Variants in WDR17 observed in about 807,000 individuals in gnomAD.
WDR17 encodes WD repeat-containing protein 17.
A neutral mutation model predicts 161.7 loss-of-function variants in WDR17; 143 were observed. That is an observed-to-expected ratio of 0.88 (90% CI 0.77 to 1.02). WDR17 has a LOEUF of 1.02. WDR17 is among the 50% of genes least tolerant of loss of function. The pLI is 0.00. For synonymous variants in WDR17, 517 were observed against 515.6 expected, an observed-to-expected ratio of 1.00 and a Z score of -0.04; for missense variants, 1,469 against 1,520.9, an observed-to-expected ratio of 0.97 and a Z score of 0.57.
intron 1 of WDR17, among the ~76,000 whole-genome samples, chr4:176,104,367 G>A (rs1401496396): frequency 6.6e-6 from 1 of 151,970 alleles, no homozygotes; most frequent in Admixed American, 6.6e-5. Flanking sequence ...ACAATTATAA[G>A]TGCTAGTATT....
intron 23 of WDR17, 25 bp downstream of exon 23, chr4:176,168,808 T>C: frequency 6.3e-7 from 1 of 1,599,488 alleles, no homozygotes; most frequent in Non-Finnish European, 8.5e-7. Flanking sequence ...TTAAATATTC[T>C]GGTTTGGAAT....
chr4:176,168,742 T>C lies in WDR17; in HGVS notation c.3061T>C (p.Tyr1021His). The change falls in exon 23 of 29, where the codon TAC (tyrosine) becomes CAC (histidine). Residue 1021 changes from tyrosine to histidine, a missense_variant. Coordinates refer to ENST00000508596, the MANE Select transcript of WDR17 (RefSeq NM_181265.4). Reference sequence around the variant, plus strand: ...ACATTTAATAAAACTCTGTGCTTTCTACCCAGGATGTACTGAAGAGATAAA... The same window carrying C: ...ACATTTAATAAAACTCTGTGCTTTCCACCCAGGATGTACTGAAGAGATAAA... ...ELHLIKLCAF[Y>H]PGCTEEINDL... The C allele has an allele frequency of 6.2e-7, 1 of 1,613,382 alleles. No individual in the cohort carries two copies. Among genetic ancestry groups the C allele is most frequent in the Non-Finnish European group, 8.5e-7 (1 of 1,179,666 alleles).
chr4:176,161,030 T>C, intron 20 of WDR17, 28 bp downstream of exon 20: 1 of 1,569,448 alleles, frequency 6.4e-7, no homozygotes, highest in Non-Finnish European at 8.7e-7. Flanking sequence ...TCTGGGTCCA[T>C]ATGTTTTATG....
chr4:176,111,841 T>C (rs1368041804), intron 2 of WDR17, 138 bp downstream of exon 2: 8 of 855,402 alleles, frequency 9.4e-6, no homozygotes, highest in Non-Finnish European at 1.2e-5. Context: ...AGTTTTGTGA[T>C]TTATACCGTA....
chr4:176,094,332 G>A (rs2126637657), intron 1 of WDR17, among the ~76,000 whole-genome samples: 1 of 152,230 alleles, frequency 6.6e-6, no homozygotes, highest in Middle Eastern at 3.4e-3. Flanking sequence ...AGATGATTAA[G>A]GCTTGGTCTT....
intron 4 of WDR17, among the ~76,000 whole-genome samples, chr4:176,124,724 A>G (rs1742168732): frequency 6.6e-6 from 1 of 152,222 alleles, no homozygotes; most frequent in Non-Finnish European, 1.5e-5. Context: ...ATCCTTTTAA[A>G]TCACTATATG....
chr4:176,108,673 G>T (rs1739208699), intron 1 of WDR17, among the ~76,000 whole-genome samples: 2 of 152,040 alleles, frequency 1.3e-5, no homozygotes, highest in African/African-American at 4.8e-5. Context: ...GGTGGGGGAG[G>T]CTATGAGGGG....
intron 18 of WDR17, among the ~76,000 whole-genome samples, chr4:176,158,038 G>A (rs1459021527): frequency 6.6e-6 from 1 of 152,182 alleles, no homozygotes; most frequent in Non-Finnish European, 1.5e-5. Context: ...GTAGGCCCAA[G>A]CTGGACATTT....
At chr4:176,117,768 A>G (rs1032207452) in intron 3 of WDR17, among the ~76,000 whole-genome samples, 12 of 152,118 alleles carry the variant, frequency 7.9e-5, no homozygotes, top group Non-Finnish European at 1.3e-4. Context: ...ATTTTCAGCT[A>G]TCAATATCTC....
At chr4:176,080,058 A>T (rs1274830974) in intron 1 of WDR17, among the ~76,000 whole-genome samples, 3 of 152,036 alleles carry the variant, frequency 2.0e-5, no homozygotes, top group Non-Finnish European at 2.9e-5. Flanking sequence ...TTGGGGATTA[A>T]GTTTCCAACA....
intron 1 of WDR17, among the ~76,000 whole-genome samples, chr4:176,071,229 T>TGACAAA (rs2078860423): frequency 2.0e-5 from 3 of 152,088 alleles, no homozygotes; most frequent in Non-Finnish European, 4.4e-5. Context: ...AAATATTTAC[T>TGACAAA]TATTTCCTTC....
At chr4:176,132,548 A>G (rs1054866317) in intron 7 of WDR17, among the ~76,000 whole-genome samples, 1 of 151,992 alleles carries the variant, frequency 6.6e-6, no homozygotes, top group African/African-American at 2.4e-5. Flanking sequence ...AACTGAAGGG[A>G]GAGAAAGAAT....
At chr4:176,083,933 C>G (rs1480780522) in intron 1 of WDR17, among the ~76,000 whole-genome samples, 2 of 152,116 alleles carry the variant, frequency 1.3e-5, no homozygotes, top group Non-Finnish European at 2.9e-5. Flanking sequence ...TATTGAGCAA[C>G]TGTTCATATG....
chr4:176,167,434 C>T (rs543369879), intron 22 of WDR17, among the ~76,000 whole-genome samples: 11 of 150,886 alleles, frequency 7.3e-5, no homozygotes, highest in Non-Finnish European at 1.2e-4. Flanking sequence ...ATCACGAGGT[C>T]AGGAGATCGA....
At chr4:176,109,469 T>G (rs971680619) in intron 1 of WDR17, among the ~76,000 whole-genome samples, 2 of 152,198 alleles carry the variant, frequency 1.3e-5, no homozygotes, top group African/African-American at 4.8e-5. Context: ...CATGCCAGCT[T>G]GTACTTCAAG....
At chr4:176,103,700 C>A (rs978743840) in intron 1 of WDR17, among the ~76,000 whole-genome samples, 1 of 151,788 alleles carries the variant, frequency 6.6e-6, no homozygotes, top group Middle Eastern at 3.4e-3. Context: ...GAAGATAAGA[C>A]AATAGAAAAT....
chr4:176,103,151 A>C (rs2126666272), intron 1 of WDR17, among the ~76,000 whole-genome samples: 1 of 152,300 alleles, frequency 6.6e-6, no homozygotes, highest in East Asian at 1.9e-4. Context: ...CATCCATTAA[A>C]GCCTATGCAA....
chr4:176,070,670 C>A (rs1439147354), intron 1 of WDR17, among the ~76,000 whole-genome samples: 1 of 151,790 alleles, frequency 6.6e-6, no homozygotes, highest in Non-Finnish European at 1.5e-5. Context: ...CGCACCACCA[C>A]TCTTGGCTAA....
chr4:176,097,414 C>T (rs1737058606), intron 1 of WDR17, among the ~76,000 whole-genome samples: 2 of 151,896 alleles, frequency 1.3e-5, no homozygotes, highest in Admixed American at 1.3e-4. Context: ...CCATCCTAAG[C>T]ACATTAATTA....
Sources: allele counts gnomAD v4.1 joint callset (sites outside exome capture counted in the v4.1 genomes callset), GRCh38; gene constraint gnomAD v4.1.1; transcripts MANE v1.5; gene names NCBI Gene and HGNC (gene_info 2026-07-23, HGNC 2026-07-21).